The following RAB7A variants were observed in gnomAD, a reference collection of about 807,000 sequenced individuals.
RAB7A encodes RAB7A, member RAS oncogene family.
A neutral mutation model predicts 24.5 loss-of-function variants in RAB7A; 2 were observed. The ratio of observed to expected loss-of-function variants is 0.08; its 90% CI spans 0.03 to 0.26. The LOEUF (loss-of-function observed/expected upper bound fraction) is 0.26. Ranked by LOEUF, RAB7A falls within the 10% of genes least tolerant of loss-of-function variation. The probability of loss-of-function intolerance (pLI) is 1.00; values close to 1 mark genes in which losing one functional copy is unlikely to be tolerated. For synonymous variants in RAB7A, 100 were observed against 95.9 expected, an observed-to-expected ratio of 1.04 and a Z score of -0.25; for missense variants, 118 against 255.7, an observed-to-expected ratio of 0.46 and a Z score of 3.67.
chr3:128,781,358 A>G (rs1235229186), intron 1 of RAB7A, among the ~76,000 whole-genome samples: 1 of 152,204 alleles, frequency 6.6e-6, no homozygotes, highest in East Asian at 1.9e-4. Flanking sequence ...TTCACATGGA[A>G]GCAGAGGGGC....
intron 5 of RAB7A, among the ~76,000 whole-genome samples, chr3:128,812,045 G>T (rs1234883772): frequency 4.6e-5 from 7 of 152,070 alleles, no homozygotes; most frequent in Admixed American, 2.6e-4. Flanking sequence ...GGGTTTTTTG[G>T]GGGGTGATGA....
intron 1 of RAB7A, among the ~76,000 whole-genome samples, chr3:128,752,149 C>T (rs1328597394): frequency 1.3e-5 from 2 of 152,202 alleles, no homozygotes; most frequent in Non-Finnish European, 2.9e-5. Flanking sequence ...GCTACACTAA[C>T]TACAAATCCT....
intron 1 of RAB7A, among the ~76,000 whole-genome samples, chr3:128,776,591 G>A (rs1467077720): frequency 6.6e-6 from 1 of 152,088 alleles, no homozygotes; most frequent in Non-Finnish European, 1.5e-5. Context: ...GACCAACTAC[G>A]TTTTCTTGAT....
At chr3:128,756,445 ATAGTAAATTAGG>A (rs1159098043) in intron 1 of RAB7A, among the ~76,000 whole-genome samples, 2 of 152,230 alleles carry the variant, frequency 1.3e-5, no homozygotes, top group Non-Finnish European at 1.5e-5. Flanking sequence ...AAAGAATAAA[ATAGTAAATTAGG>A]TAGGAGAAAG....
chr3:128,770,083 A>G (rs536015769), intron 1 of RAB7A, among the ~76,000 whole-genome samples: 3 of 151,482 alleles, frequency 2.0e-5, no homozygotes, highest in East Asian at 1.9e-4. Context: ...GCTTACTGCA[A>G]CCTTTGCCTT....
At chr3:128,813,225 C>A in intron 5 of RAB7A, 102 bp from the exon 6 acceptor site, 1 of 1,109,264 alleles carries the variant, frequency 9.0e-7, no homozygotes, top group Non-Finnish European at 1.4e-6. Flanking sequence ...GCCCACTCTG[C>A]CCAAGCAGAA....
intron 1 of RAB7A, among the ~76,000 whole-genome samples, chr3:128,761,835 A>G (rs1289402264): frequency 6.6e-6 from 1 of 152,264 alleles, no homozygotes; most frequent in Admixed American, 6.5e-5. Flanking sequence ...TTTAGGCATT[A>G]CTGAAAAGCA....
chr3:128,785,111 A>G (rs1933308751), intron 1 of RAB7A: 1 of 151,952 alleles, frequency 6.6e-6, no homozygotes, highest in African/African-American at 2.4e-5. Context: ...GAGCTTCTTA[A>G]CTCTGTAGAA....
intron 1 of RAB7A, among the ~76,000 whole-genome samples, chr3:128,788,212 T>G (rs1384944818): frequency 6.6e-6 from 1 of 152,198 alleles, no homozygotes; most frequent in Non-Finnish European, 1.5e-5. Flanking sequence ...TTAATAATGG[T>G]CCCAAAGCAC....
At chr3:128,767,775 G>T (rs1396928920) in intron 1 of RAB7A, among the ~76,000 whole-genome samples, 2 of 152,214 alleles carry the variant, frequency 1.3e-5, no homozygotes, top group Non-Finnish European at 2.9e-5. Flanking sequence ...CGTGAATGCA[G>T]TGAGAACTGA....
rs61746489 is a variant in RAB7A at position 128,764,595 on chromosome 3, C to T, written c.-8-30765C>T. On this transcript the variant is annotated intron_variant, in intron 1 of 5. Coordinates refer to ENST00000265062, the MANE Select transcript of RAB7A (RefSeq NM_004637.6). ...CCAATTCTTTGATGGCTTTCACCTG[C>T]TCATTCAGGTAACATGTCTCAATGA... 2.8e-3 allele frequency: 3,990 copies of T among 1,407,474 alleles called. 71 individuals carry two copies. The African/African-American group carries it at 0.039, about 14-fold the overall frequency. 87.2% of individuals were successfully genotyped at this position (1,407,474 alleles called of 1,614,324 possible). A position where few individuals can be genotyped will look rare whatever the true frequency, so the allele number is the denominator to read the frequency against.
chr3:128,806,992 T>C (rs924972044), intron 4 of RAB7A, among the ~76,000 whole-genome samples: 1 of 152,240 alleles, frequency 6.6e-6, no homozygotes. Flanking sequence ...ACCATTTCTG[T>C]TGGAAACATA....
Position 128,740,870 on chromosome 3 carries a change from C to T in RAB7A, c.-9+14511C>T, listed in dbSNP as rs1245912793. 2.1e-5 allele frequency among the ~76,000 whole-genome samples: 3 copies of T among 141,478 alleles called. No homozygotes were observed. In the South Asian group the frequency reaches 6.6e-4, roughly 31 times the overall value. The allele number at this position is 141,478 out of a possible 152,430, so 92.8% of individuals were successfully genotyped here. ...AAGCCATGATAATTCCACTGTACTC[C>T]AGCCTAGGTGACAGAGGGAGATGTC... On this transcript the variant is annotated intron_variant, in intron 1 of 5. Coordinates refer to ENST00000265062, the MANE Select transcript of RAB7A (RefSeq NM_004637.6).
intron 1 of RAB7A, chr3:128,764,918 CGT>C: frequency 6.3e-7 from 1 of 1,581,070 alleles, no homozygotes; most frequent in East Asian, 2.2e-5. Context: ...GACAGGTAAA[CGT>C]AGGAGGCGTA....
intron 2 of RAB7A, among the ~76,000 whole-genome samples, chr3:128,795,658 A>G (rs1277218583): frequency 1.3e-5 from 2 of 149,334 alleles, no homozygotes; most frequent in African/African-American, 4.9e-5. Flanking sequence ...AAGGATAGGC[A>G]TTTTCATGGA....
intron 1 of RAB7A, among the ~76,000 whole-genome samples, chr3:128,737,923 A>G (rs924590494): frequency 1.5e-5 from 2 of 131,182 alleles, no homozygotes; most frequent in African/African-American, 2.9e-5. Context: ...TGATCCTCCT[A>G]TTTTGGCCTC....
intron 1 of RAB7A, among the ~76,000 whole-genome samples, chr3:128,773,650 A>G (rs1933010457): frequency 6.6e-6 from 1 of 152,236 alleles, no homozygotes; most frequent in Non-Finnish European, 1.5e-5. Flanking sequence ...AGAATAGAAA[A>G]GGGGGAAAGG....
At chr3:128,808,468 C>T (rs1350459127) in intron 5 of RAB7A, among the ~76,000 whole-genome samples, 1 of 152,216 alleles carries the variant, frequency 6.6e-6, no homozygotes, top group Non-Finnish European at 1.5e-5. Context: ...TTAAATGAGA[C>T]AGACTCTTCC....
At chr3:128,763,631 C>T (rs776945905) in intron 1 of RAB7A, among the ~76,000 whole-genome samples, 1 of 152,066 alleles carries the variant, frequency 6.6e-6, no homozygotes. Flanking sequence ...AGCCATATCA[C>T]TGCATTGTAA....
Sources: allele counts gnomAD v4.1 joint callset (sites outside exome capture counted in the v4.1 genomes callset), GRCh38; gene constraint gnomAD v4.1.1; transcripts MANE v1.5; gene names NCBI Gene and HGNC (gene_info 2026-07-23, HGNC 2026-07-21).